Variants in SYN2 observed in about 807,000 individuals in gnomAD.
SYN2 encodes the protein synapsin-2.
Under a neutral mutation model 50.9 loss-of-function variants are expected in SYN2, and 19 were observed. The ratio of observed to expected loss-of-function variants is 0.37; its 90% confidence interval spans 0.26 to 0.55. The LOEUF (loss-of-function observed/expected upper bound fraction) is 0.55. Ranked by LOEUF, SYN2 falls within the 20% of genes least tolerant of loss-of-function variation. SYN2 has a pLI of 0.81. For missense variants in SYN2, 587 were observed against 576.4 expected, an observed-to-expected ratio of 1.02 and a Z score of -0.19; for synonymous variants, 255 against 224.9, an observed-to-expected ratio of 1.13 and a Z score of -1.20.
chr3:12,166,480 C>G (rs1463500913), intron 7 of SYN2, among the ~76,000 whole-genome samples: 1 of 152,146 alleles, frequency 6.6e-6, no homozygotes, highest in Non-Finnish European at 1.5e-5. Context: ...AACCAGAAAC[C>G]AAGTAATCCA....
At chr3:12,037,714 C>T (rs1694528065) in intron 1 of SYN2, among the ~76,000 whole-genome samples, 3 of 152,182 alleles carry the variant, frequency 2.0e-5, no homozygotes, top group African/African-American at 7.2e-5. Context: ...GCCTCACGAC[C>T]TAATTGCTGT....
At chr3:12,142,054 G>A (rs1289882139) in intron 3 of SYN2, 58 bp downstream of exon 3, 2 of 773,546 alleles carry the variant, frequency 2.6e-6, no homozygotes, top group African/African-American at 1.7e-5. Flanking sequence ...ACTACCTCTG[G>A]CCCAAAGAGG....
intron 1 of SYN2, among the ~76,000 whole-genome samples, chr3:12,016,546 C>G (rs1400116338): frequency 6.6e-6 from 1 of 152,180 alleles, no homozygotes; most frequent in Non-Finnish European, 1.5e-5. Flanking sequence ...GTTCAAGTCT[C>G]AATTTCTGTT....
chr3:12,147,812 G>A (rs1231308289), intron 4 of SYN2, among the ~76,000 whole-genome samples: 2 of 152,100 alleles, frequency 1.3e-5, no homozygotes, highest in East Asian at 1.9e-4. Flanking sequence ...TAGTGTATGG[G>A]TTCTCTTAAA....
chr3:12,156,723 C>T, intron 5 of SYN2: 1 of 916,714 alleles, frequency 1.1e-6, no homozygotes, highest in Non-Finnish European at 1.7e-6. Flanking sequence ...CCACCTGGCT[C>T]AGCCTACTGC....
At chr3:12,187,737 TGG>T in intron 12 of SYN2, 125 bp downstream of exon 12, 3 of 1,331,774 alleles carry the variant, frequency 2.3e-6, no homozygotes, top group Non-Finnish European at 3.0e-6. Context: ...TGATGGGATT[TGG>T]TTTTTTTTTG....
intron 1 of SYN2, among the ~76,000 whole-genome samples, chr3:12,136,720 A>G (rs1418401869): frequency 3.3e-5 from 5 of 152,274 alleles, no homozygotes; most frequent in East Asian, 1.9e-4. Context: ...CATTTTAGCA[A>G]TAAGGGGAGA....
At position 12,166,113 on chromosome 3, in the gene SYN2, C is replaced by T. The variant is rs923741256; in HGVS notation, c.981-1121C>T. 6.6e-5 allele frequency among the ~76,000 whole-genome samples: 10 copies of T among 152,252 alleles called. No homozygotes were observed. In the East Asian group the frequency reaches 7.7e-4, roughly 12 times the overall value. On this transcript the variant is annotated intron_variant, in intron 7 of 12. Transcript: ENST00000621198. ...GCATAAGGACTGTTGTGACCCTGTT[C>T]GTTAACTCATGGGGCCACCTCGTGG...
rs949014256 is a variant in SYN2 at position 12,190,698 on chromosome 3, G to C, written c.*73G>C. On this transcript the variant is annotated 3_prime_UTR_variant, in exon 13 of 13. Coordinates refer to ENST00000621198, the MANE Select transcript of SYN2 (RefSeq NM_133625.6). ...GACATTCACCAACAACAGTCAGCCA[G>C]CTTGGTGGTTATGTCCCATGACCTT... The C allele has an allele frequency of 1.7e-5, 27 of 1,572,830 alleles. No homozygotes were observed. Among genetic ancestry groups the C allele is most frequent in the Non-Finnish European group, 2.2e-5 (26 of 1,161,062 alleles).
chr3:12,169,212 T>C (rs987342417), intron 9 of SYN2, among the ~76,000 whole-genome samples: 6 of 152,142 alleles, frequency 3.9e-5, no homozygotes, highest in African/African-American at 1.4e-4. Context: ...ATACACTTTC[T>C]AAAGGAGGAA....
intron 1 of SYN2, among the ~76,000 whole-genome samples, chr3:12,005,370 A>G (rs1181661525): frequency 2.0e-5 from 3 of 152,026 alleles, no homozygotes; most frequent in Non-Finnish European, 4.4e-5. Context: ...TGGAATGGAA[A>G]TTGGTATTTT....
chr3:12,168,407 A>T lies in SYN2; in HGVS notation c.1087A>T (p.Met363Leu). 1 of 1,613,920 alleles carries T rather than the reference A, an allele frequency of 6.2e-7. No individual in the cohort carries two copies. The highest frequency in any genetic ancestry group is 1.1e-5 in the South Asian group (1 of 91,020). Reference sequence around the variant, plus strand: ...ACTGTGGGTGGACACCTGCTCTGAGATGTTTGGCGGCCTGGACATCTGTGC... The same window carrying T: ...ACTGTGGGTGGACACCTGCTCTGAGTTGTTTGGCGGCCTGGACATCTGTGC... ...YKLWVDTCSEMFGGLDICAVK... is the reference protein window; with the variant it reads ...YKLWVDTCSELFGGLDICAVK... Residue 363 changes from methionine to leucine, a missense_variant, in exon 9 of 13, where the codon ATG (methionine) becomes TTG (leucine). By Grantham distance (15) the Met-to-Leu change is conservative (BLOSUM62 2). Coordinates refer to ENST00000621198, the MANE Select transcript of SYN2 (RefSeq NM_133625.6).
At chr3:12,132,439 A>C (rs1423651387) in intron 1 of SYN2, among the ~76,000 whole-genome samples, 1 of 152,216 alleles carries the variant, frequency 6.6e-6, no homozygotes, top group Non-Finnish European at 1.5e-5. Context: ...TTAAGATGAC[A>C]TTCTTGTAAG....
At chr3:12,157,264 A>G (rs1697485380) in intron 5 of SYN2, 1 of 867,408 alleles carries the variant, frequency 1.2e-6, no homozygotes, top group South Asian at 1.6e-5. Flanking sequence ...GTTCCACTTC[A>G]GTATCTAGAC....
At position 12,190,684 on chromosome 3, in the gene SYN2, A is replaced by G; in HGVS notation, c.*59A>G. 1.9e-6 allele frequency: 3 copies of G among 1,588,250 alleles called. No individual in the cohort carries two copies. The highest frequency in any genetic ancestry group is 2.6e-6 in the Non-Finnish European group (3 of 1,167,900). ...GGAAAGGCATCTAAGACATTCACCA[A>G]CAACAGTCAGCCAGCTTGGTGGTTA... On this transcript the variant is annotated 3_prime_UTR_variant, in exon 13 of 13. Coordinates refer to ENST00000621198, the MANE Select transcript of SYN2 (RefSeq NM_133625.6).
chr3:12,156,062 T>A (rs953282739), intron 5 of SYN2, among the ~76,000 whole-genome samples: 2 of 152,308 alleles, frequency 1.3e-5, no homozygotes, highest in African/African-American at 4.8e-5. Flanking sequence ...TGTTACTGAA[T>A]CTCCACTCTC....
At chr3:12,126,014 G>A (rs1350103828) in intron 1 of SYN2, among the ~76,000 whole-genome samples, 1 of 152,160 alleles carries the variant, frequency 6.6e-6, no homozygotes, top group African/African-American at 2.4e-5. Context: ...GAGTCTTTAA[G>A]TCACTCAAGT....
chr3:12,125,843 A>G (rs1297948386), intron 1 of SYN2, among the ~76,000 whole-genome samples: 5 of 10,958 alleles, frequency 4.6e-4, no homozygotes, highest in Non-Finnish European at 3.1e-3. Context: ...TCTAAAAGTG[A>G]AAAAAAAAAA....
chr3:12,123,750 C>T (rs554777632), intron 1 of SYN2, among the ~76,000 whole-genome samples: 6 of 152,200 alleles, frequency 3.9e-5, no homozygotes, highest in Admixed American at 1.3e-4. Context: ...GAGTTTGATG[C>T]CTGTAATCCC....
Sources: allele counts gnomAD v4.1 joint callset (sites outside exome capture counted in the v4.1 genomes callset), GRCh38; gene constraint gnomAD v4.1.1; transcripts MANE v1.5; gene names NCBI Gene and HGNC (gene_info 2026-07-23, HGNC 2026-07-21).